The following FEZ1 variants were observed in gnomAD, a reference collection of about 807,000 sequenced individuals.
FEZ1 encodes fasciculation and elongation protein zeta 1, also known as fasciculation and elongation protein zeta-1.
FEZ1 carries 20 observed loss-of-function variants against 49.3 expected under a neutral mutation model. The ratio of observed to expected loss-of-function variants is 0.41; its 90% CI spans 0.29 to 0.59. The LOEUF (loss-of-function observed/expected upper bound fraction) is 0.59. Among genes scored for constraint, FEZ1 ranks in the 20% least tolerant of loss-of-function variants. FEZ1 has a pLI of 0.36. For missense variants in FEZ1, 413 were observed against 476.0 expected (o/e 0.87, Z 1.23); for synonymous variants, 170 against 180.9 (o/e 0.94, Z 0.48).
At position 125,496,116 on chromosome 11, in the gene FEZ1, G is replaced by C. The variant is rs922319493; in HGVS notation, c.-46+5C>G. ...CCTAACTAAAGTCAACCCCCGCGAC[G>C]GCACCTGTGCGGGTCCTGGCGGAGG... On this transcript the variant is annotated splice_donor_5th_base_variant and intron_variant, in intron 1 of 9. Transcript: ENST00000278919. 6.5e-6 allele frequency: 1 copy of C among 152,736 alleles called. No individual in the cohort carries two copies. Among genetic ancestry groups the C allele is most frequent in the African/African-American group, 2.4e-5 (1 of 41,436 alleles). 9.5% of individuals were successfully genotyped at this position (152,736 alleles called of 1,614,324 possible).
At chr11:125,478,448 T>TA (rs1191546530) in intron 3 of FEZ1, among the ~76,000 whole-genome samples, 8 of 152,072 alleles carry the variant, frequency 5.3e-5, no homozygotes, top group East Asian at 1.9e-4. Context: ...TCTCAAAAAA[T>TA]AAAAAAAATT....
rs10524234 is a variant in FEZ1, at chr11:125,495,799, G to GACACACAC, written c.-46+314_-46+321dup. On this transcript the variant is annotated intron_variant, in intron 1 of 9. Transcript: ENST00000278919. The surrounding 1 kb of genome is among the most constrained non-coding windows in gnomAD (Gnocchi z 4.2). ...GCACACACGCGGGCACACACACGCG[G>GACACACAC]ACACACACACACACACACACACACA... 2,440 of 309,928 alleles carry GACACACAC rather than the reference G, an allele frequency of 7.9e-3. 59 individuals are homozygous for GACACACAC. The highest frequency in any genetic ancestry group is 0.047 in the African/African-American group (2,043 of 43,132). 19.2% of individuals were successfully genotyped at this position (309,928 alleles called of 1,614,324 possible). A position where few individuals can be genotyped will look rare whatever the true frequency, so the allele number is the denominator to read the frequency against.
chr11:125,463,069 G>C (rs768150277), intron 4 of FEZ1, among the ~76,000 whole-genome samples: 10 of 151,922 alleles, frequency 6.6e-5, no homozygotes, highest in Non-Finnish European at 1.2e-4. Context: ...GGAGGTTGAG[G>C]TGGGCAGATC....
chr11:125,457,429 AATATATAT>A (rs145878447), intron 5 of FEZ1, among the ~76,000 whole-genome samples: 181 of 20,876 alleles, frequency 8.7e-3, no homozygotes, highest in South Asian at 0.017. Context: ...AAAAAAAAAA[AATATATAT>A]ATATATATAT....
chr11:125,489,923 A>G lies in FEZ1; in HGVS notation c.-45-101T>C. The stretch of plus-strand genomic sequence containing the variant: ...CTGCTTCCAATTCCCTACTCCAAAA[A>G]ACAAGGCACTGGTTAAGTACGAAGC... On this transcript the variant is annotated intron_variant, in intron 1 of 9. Transcript: ENST00000278919. The surrounding 1 kb of genome is among the most constrained non-coding windows in gnomAD (Gnocchi z 4.2). The G allele has an allele frequency of 9.3e-7, 1 of 1,069,620 alleles. No individual in the cohort carries two copies. Among genetic ancestry groups the G allele is most frequent in the Non-Finnish European group, 1.3e-6 (1 of 790,044 alleles). 66.3% of individuals were successfully genotyped at this position (1,069,620 alleles called of 1,614,324 possible).
intron 5 of FEZ1, among the ~76,000 whole-genome samples, chr11:125,457,751 G>C (rs1957034093): frequency 6.6e-6 from 1 of 151,806 alleles, no homozygotes; most frequent in Admixed American, 6.6e-5. Context: ...CACTCCCTAA[G>C]GCATTTTTCC....
At chr11:125,453,982 C>A (rs1045107872) in intron 7 of FEZ1, 148 bp downstream of exon 7, 1 of 479,370 alleles carries the variant, frequency 2.1e-6, no homozygotes, top group Non-Finnish European at 3.7e-6. Flanking sequence ...CTCTGTTCCT[C>A]CTTAAGAGGA....
chr11:125,467,403 T>C (rs1204148608), intron 3 of FEZ1, among the ~76,000 whole-genome samples: 1 of 152,222 alleles, frequency 6.6e-6, no homozygotes, highest in Non-Finnish European at 1.5e-5. Flanking sequence ...TCAATGGCTG[T>C]GCATTCCCAT....
chr11:125,471,429 GAT>G (rs1399939272), intron 3 of FEZ1, among the ~76,000 whole-genome samples: 1 of 86,074 alleles, frequency 1.2e-5, no homozygotes, highest in Admixed American at 1.5e-4. Flanking sequence ...GATTGAGATA[GAT>G]ACACACACAC....
At position 125,443,468 on chromosome 11, in the gene FEZ1, T is replaced by C. The variant is rs890086520; in HGVS notation, c.*2627A>G. Among the ~76,000 whole-genome samples the C allele has an allele frequency of 1.3e-5, 2 of 152,122 alleles. No homozygotes were observed. Among genetic ancestry groups the C allele is most frequent in the Admixed American group, 6.5e-5 (1 of 15,274 alleles). On this transcript the variant is annotated 3_prime_UTR_variant, in exon 10 of 10. Transcript: ENST00000278919. The stretch of plus-strand genomic sequence containing the variant: ...GATGCAAATACAAGTTGCAGGGAGA[T>C]TTAGCTTAATACGTAGTAGAGCTGC...
At chr11:125,491,959 T>C (rs1565306157) in intron 1 of FEZ1, among the ~76,000 whole-genome samples, 1 of 152,226 alleles carries the variant, frequency 6.6e-6, no homozygotes, top group Non-Finnish European at 1.5e-5. Flanking sequence ...TCATTTGTTA[T>C]AAGGAAGGTG....
At position 125,495,591 on chromosome 11, in the gene FEZ1, G is replaced by C. The variant is rs766463665; in HGVS notation, c.-46+530C>G. ...GGTCTGGGGAAGGCTCCGCACTCTGGGGAGGGGCACGAGCGGGGTCGGGGG... is the reference window on the plus strand; with the variant it reads ...GGTCTGGGGAAGGCTCCGCACTCTGCGGAGGGGCACGAGCGGGGTCGGGGG... On this transcript the variant is annotated intron_variant, in intron 1 of 9. Coordinates refer to ENST00000278919, the MANE Select transcript of FEZ1 (RefSeq NM_005103.5). The surrounding 1 kb of genome is among the most constrained non-coding windows in gnomAD (Gnocchi z 4.2). 3 of 469,434 alleles carry C rather than the reference G, an allele frequency of 6.4e-6. No individual in the cohort carries two copies. The highest frequency in any genetic ancestry group is 3.1e-5 in the South Asian group (2 of 64,480). 29.1% of individuals were successfully genotyped at this position (469,434 alleles called of 1,614,324 possible).
Position 125,445,156 on chromosome 11 carries a change from T to A in FEZ1, c.*939A>T, listed in dbSNP as rs1387345128. ...AGACAGTGCGAGGAGTCAGAGCTGC[T>A]GTTCATGGAGGGCCGCGGGAAGGGC... On this transcript the variant is annotated 3_prime_UTR_variant, in exon 10 of 10. Transcript: ENST00000278919. The surrounding 1 kb of genome is among the most constrained non-coding windows in gnomAD (Gnocchi z 4.4). Among the ~76,000 whole-genome samples, 7 of 152,324 alleles carry A rather than the reference T, an allele frequency of 4.6e-5. No homozygotes were observed.
In FEZ1 at chr11:125,465,486, C is replaced by G. The variant is rs73623113; in HGVS notation, c.412-1916G>C. The stretch of plus-strand genomic sequence containing the variant: ...CTAGTAGAGTTTCTCTCCCCTCCCC[C>G]TCTCAGGCGCAAAGCCTCCAGGTCT... On this transcript the variant is annotated intron_variant, in intron 3 of 9. Coordinates refer to ENST00000278919, the MANE Select transcript of FEZ1 (RefSeq NM_005103.5). Among the ~76,000 whole-genome samples the G allele has an allele frequency of 4.4e-3, 675 of 152,244 alleles. 6 individuals are homozygous for G. Among genetic ancestry groups the G allele is most frequent in the African/African-American group, 0.015 (622 of 41,526 alleles).
intron 4 of FEZ1, among the ~76,000 whole-genome samples, chr11:125,462,217 C>T (rs1463499736): frequency 1.3e-5 from 2 of 152,212 alleles, no homozygotes; most frequent in African/African-American, 4.8e-5. Flanking sequence ...TTTGTGGAAA[C>T]TTATGTAGTG....
At chr11:125,480,634 C>A (rs618900) in intron 3 of FEZ1, among the ~76,000 whole-genome samples, 1 of 151,998 alleles carries the variant, frequency 6.6e-6, no homozygotes, top group East Asian at 1.9e-4. Context: ...ATGAGAAAAC[C>A]TGATTTTTTT....
intron 3 of FEZ1, among the ~76,000 whole-genome samples, chr11:125,474,996 G>A (rs979840702): frequency 4.0e-5 from 6 of 149,814 alleles, no homozygotes; most frequent in Non-Finnish European, 5.9e-5. Flanking sequence ...CATACAGGCC[G>A]GGCACAGTCA....
Position 125,460,590 on chromosome 11 carries a change from T to C in FEZ1, c.575A>G (p.Asp192Gly). Residue 192 changes from aspartate to glycine, a missense_variant, in exon 5 of 10, where the codon GAT (aspartate) becomes GGT (glycine). Physicochemically the swap from Asp to Gly is moderately conservative, Grantham distance 94 (BLOSUM62 -1). Transcript: ENST00000278919. ...TGCCTGGGAGGAAGTTTCTCCTCCA[T>C]CCTCTTCTTCCAGAACCTCCTCTTC... The part of the protein sequence containing the change: ...EEEEEVLEEE[D>G]GGETSSQADS... 1 of 1,614,026 alleles carries C rather than the reference T, an allele frequency of 6.2e-7. No individual in the cohort carries two copies. Among genetic ancestry groups the C allele is most frequent in the Non-Finnish European group, 8.5e-7 (1 of 1,179,892 alleles).
intron 5 of FEZ1, among the ~76,000 whole-genome samples, chr11:125,457,134 G>A (rs1014478950): frequency 4.7e-5 from 7 of 148,874 alleles, no homozygotes; most frequent in Non-Finnish European, 7.4e-5. Flanking sequence ...AGTGAGCAGA[G>A]ATCACACCAC....
Sources: gnomAD v4.1 joint callset for allele counts (sites outside exome capture counted in the v4.1 genomes callset) on GRCh38, gnomAD v4.1.1 for gene constraint, Gnocchi (gnomAD v3.1) non-coding constraint, MANE v1.5 for transcripts, NCBI Gene and HGNC (gene_info 2026-07-23, HGNC 2026-07-21) for gene names.